MAST2: variants seen among roughly 807,000 people sequenced by gnomAD.
MAST2 encodes the protein microtubule-associated serine/threonine-protein kinase 2.
Under a neutral mutation model 147.4 loss-of-function variants are expected in MAST2, and 70 were observed. That is an observed-to-expected ratio of 0.47 (90% CI 0.39 to 0.58). The LOEUF (loss-of-function observed/expected upper bound fraction) is 0.58. MAST2 is among the 20% of genes least tolerant of loss of function. The probability of loss-of-function intolerance (pLI) is 0.00; values close to 1 mark genes in which losing one functional copy is unlikely to be tolerated. For missense variants in MAST2, 2,080 were observed against 2,302.3 expected (o/e 0.90, Z 1.98); for synonymous variants, 869 against 896.8 (o/e 0.97, Z 0.55).
chr1:45,956,291 A>G (rs1336635080), intron 4 of MAST2, among the ~76,000 whole-genome samples: 3 of 152,152 alleles, frequency 2.0e-5, no homozygotes, highest in Admixed American at 1.3e-4. Flanking sequence ...AAACCTGCCA[A>G]TCATTGACTT....
At chr1:45,928,943 A>G (rs1215074836) in intron 4 of MAST2, among the ~76,000 whole-genome samples, 1 of 150,508 alleles carries the variant, frequency 6.6e-6, no homozygotes, top group East Asian at 1.9e-4. Context: ...TTTTTTTCTG[A>G]CATGTTCTTA....
At chr1:46,004,295 C>T (rs374899312) in intron 7 of MAST2, among the ~76,000 whole-genome samples, 5 of 141,970 alleles carry the variant, frequency 3.5e-5, no homozygotes, top group East Asian at 2.1e-4. Flanking sequence ...ACCCAGGAGG[C>T]GGAGATTGCC....
At chr1:45,943,086 T>C (rs935268109) in intron 4 of MAST2, among the ~76,000 whole-genome samples, 6 of 152,138 alleles carry the variant, frequency 3.9e-5, no homozygotes, top group Non-Finnish European at 8.8e-5. Context: ...ATGTATTAGG[T>C]ATACATTTGG....
intron 4 of MAST2, among the ~76,000 whole-genome samples, chr1:45,906,666 A>G (rs1650793203): frequency 6.7e-6 from 1 of 148,458 alleles, no homozygotes; most frequent in Non-Finnish European, 1.5e-5. Flanking sequence ...ATATAATTAT[A>G]TAAGTTTGTA....
intron 4 of MAST2, among the ~76,000 whole-genome samples, chr1:45,906,223 G>A: frequency 6.6e-6 from 1 of 152,164 alleles, no homozygotes; most frequent in Non-Finnish European, 1.5e-5. Context: ...ACCATGCAAT[G>A]TTTTGGTCAA....
At chr1:45,987,781 T>A in intron 5 of MAST2, among the ~76,000 whole-genome samples, 1 of 138,544 alleles carries the variant, frequency 7.2e-6, no homozygotes, top group Non-Finnish European at 1.6e-5. Flanking sequence ...TTTTTGATTT[T>A]TTTTTTTTTT....
At chr1:46,032,121 A>C in intron 24 of MAST2, 57 bp from the exon 25 acceptor site, 1 of 1,331,270 alleles carries the variant, frequency 7.5e-7, no homozygotes, top group Non-Finnish European at 1.1e-6. Flanking sequence ...AACAGACTGG[A>C]CCAGGGGCCA....
At chr1:45,887,042 G>GACA (rs1647125907) in intron 4 of MAST2, among the ~76,000 whole-genome samples, 1 of 152,140 alleles carries the variant, frequency 6.6e-6, no homozygotes, top group South Asian at 2.1e-4. Context: ...TACTCAGGCT[G>GACA]GTCTGGAACT....
At chr1:46,027,635 C>A (rs1646469407) in intron 16 of MAST2, 96 bp from the exon 17 acceptor site, 8 of 1,338,148 alleles carry the variant, frequency 6.0e-6, no homozygotes, top group Non-Finnish European at 8.3e-6. Flanking sequence ...ACAGTACCCC[C>A]ATGGAAGCCT....
At chr1:45,997,656 C>A (rs1571136673) in intron 5 of MAST2, 68 bp from the exon 6 acceptor site, 2 of 1,167,188 alleles carry the variant, frequency 1.7e-6, no homozygotes, top group Non-Finnish European at 2.6e-6. Context: ...ATATTTCTTG[C>A]CCGAAAGTCA....
At chr1:45,875,582 G>C (rs1014935857) in intron 3 of MAST2, among the ~76,000 whole-genome samples, 2 of 152,164 alleles carry the variant, frequency 1.3e-5, no homozygotes, top group Non-Finnish European at 2.9e-5. Flanking sequence ...ATGAAAGGGA[G>C]ACCAATTAGG....
At chr1:45,813,353 C>G (rs528194226) in intron 1 of MAST2, among the ~76,000 whole-genome samples, 1 of 151,362 alleles carries the variant, frequency 6.6e-6, no homozygotes, top group Non-Finnish European at 1.5e-5. Context: ...TTTTTGAGAC[C>G]GAGTCTTGCT....
chr1:46,019,832 C>A (rs1646110369), intron 11 of MAST2, 135 bp downstream of exon 11: 4 of 749,010 alleles, frequency 5.3e-6, no homozygotes, highest in Non-Finnish European at 9.0e-6. Flanking sequence ...TATGATTTGC[C>A]ACCATTGGGG....
rs946064257 is a variant in MAST2 at position 45,934,890 on chromosome 1, G to A, written c.501-24496G>A. On this transcript the variant is annotated intron_variant, in intron 4 of 28. Coordinates refer to ENST00000361297, the MANE Select transcript of MAST2 (RefSeq NM_015112.3). ...AGTGCATATGTCTTTTTGATAGAAC[G>A]ACTTATTTTCCTTTGGGCATATTTC... 2.0e-5 allele frequency among the ~76,000 whole-genome samples: 3 copies of A among 152,196 alleles called. 1 individual carries two copies. The highest frequency in any genetic ancestry group is 4.1e-4 in the South Asian group (2 of 4,830).
At chr1:45,858,793 A>C (rs1017821280) in intron 3 of MAST2, among the ~76,000 whole-genome samples, 7 of 151,674 alleles carry the variant, frequency 4.6e-5, no homozygotes, top group African/African-American at 7.3e-5. Context: ...TTTTTGTATA[A>C]GGTGTAAGGA....
At position 46,031,533 on chromosome 1, in the gene MAST2, C is replaced by T. The variant is rs1646667284; in HGVS notation, c.3135C>T (p.Asn1045=). 1.2e-6 allele frequency: 2 copies of T among 1,614,178 alleles called. No homozygotes were observed. Among genetic ancestry groups the T allele is most frequent in the Non-Finnish European group, 8.5e-7 (1 of 1,180,004 alleles). The change falls in exon 24 of 29, where the codon AAC becomes AAT. Residue 1045 remains asparagine (N), a synonymous_variant. Coordinates refer to ENST00000361297, the MANE Select transcript of MAST2 (RefSeq NM_015112.3). The surrounding 1 kb of genome is among the most constrained non-coding windows in gnomAD (Gnocchi z 4.1). ...STEKRTARPV[N]KVIKSASATA... is the part of the protein sequence containing the mutation. ...AGAAGCGCACTGCTCGCCCTGTCAACAAAGTGATCAAGTCCGCCTCAGCCA... is the reference window on the plus strand; with the variant it reads ...AGAAGCGCACTGCTCGCCCTGTCAATAAAGTGATCAAGTCCGCCTCAGCCA...
chr1:45,896,219 G>A (rs902310109), intron 4 of MAST2, among the ~76,000 whole-genome samples: 1 of 151,848 alleles, frequency 6.6e-6, no homozygotes, highest in Non-Finnish European at 1.5e-5. Flanking sequence ...TAGTAGAGAT[G>A]GGGGTTTCAC....
chr1:45,999,912 G>A (rs540867830), intron 6 of MAST2, among the ~76,000 whole-genome samples: 1 of 152,342 alleles, frequency 6.6e-6, no homozygotes, highest in South Asian at 2.1e-4. Flanking sequence ...GTTGAAAGCT[G>A]TGTCCTGGCG....
At chr1:45,906,117 T>A (rs1650676033) in intron 4 of MAST2, among the ~76,000 whole-genome samples, 1 of 152,214 alleles carries the variant, frequency 6.6e-6, no homozygotes, top group African/African-American at 2.4e-5. Context: ...GATATTTTGC[T>A]TATTTTGAAA....
Sources: allele counts gnomAD v4.1 joint callset (sites outside exome capture counted in the v4.1 genomes callset), GRCh38; gene constraint gnomAD v4.1.1; non-coding constraint Gnocchi (gnomAD v3.1); transcripts MANE v1.5; gene names NCBI Gene and HGNC (gene_info 2026-07-23, HGNC 2026-07-21).